NADK2: variants seen among roughly 807,000 people sequenced by gnomAD.
NADK2 encodes the protein NAD kinase 2, mitochondrial.
Under a neutral mutation model 62.1 loss-of-function variants are expected in NADK2, and 35 were observed. That is an observed-to-expected ratio of 0.56 (90% CI 0.43 to 0.75). The LOEUF (loss-of-function observed/expected upper bound fraction) is 0.75, where lower values mean the gene tolerates loss of function less well. Ranked by LOEUF, NADK2 falls within the 30% of genes least tolerant of loss-of-function variation. NADK2 has a pLI of 0.00. For missense variants in NADK2, 439 were observed against 561.3 expected, an observed-to-expected ratio of 0.78 and a Z score of 2.20; for synonymous variants, 205 against 207.9, an observed-to-expected ratio of 0.99 and a Z score of 0.12.
In NADK2 at chr5:36,227,489, A is replaced by G; in HGVS notation, c.377T>C (p.Ile126Thr). Residue 126 changes from isoleucine (I) to threonine (T), a missense_variant, in exon 2 of 12, where the codon ATA (isoleucine) becomes ACA (threonine). Transcript: ENST00000381937. ...CCCATAGACTTACCGTAAACTATCT[A>G]TAATATGTTCTACATTTTTGGTGTG... ...HIHTKNVEHI[I>T]DSLRNEGIEV... 1 of 1,530,284 alleles carries G rather than the reference A, an allele frequency of 6.5e-7. No homozygotes were observed. The highest frequency in any genetic ancestry group is 8.8e-7 in the Non-Finnish European group (1 of 1,136,564). The allele number at this position is 1,530,284 out of a possible 1,614,324, so 94.8% of individuals were successfully genotyped here.
chr5:36,204,952 G>A (rs1746580449), intron 8 of NADK2, among the ~76,000 whole-genome samples: 1 of 151,896 alleles, frequency 6.6e-6, no homozygotes, highest in Non-Finnish European at 1.5e-5. Flanking sequence ...TAATAAAATA[G>A]TTTAAGAAGT....
intron 4 of NADK2, among the ~76,000 whole-genome samples, chr5:36,224,704 T>C (rs1747414881): frequency 2.0e-5 from 3 of 152,078 alleles, no homozygotes; most frequent in South Asian, 4.1e-4. Flanking sequence ...ATAAGGCTGC[T>C]GTTAAGGTAG....
intron 9 of NADK2, among the ~76,000 whole-genome samples, chr5:36,200,578 T>C (rs1377323411): frequency 5.3e-5 from 8 of 152,034 alleles, no homozygotes; most frequent in East Asian, 1.9e-4. Flanking sequence ...TGGAAAATTA[T>C]AGAAATCAAC....
intron 4 of NADK2, chr5:36,221,267 G>A (rs1747256972): frequency 6.6e-6 from 1 of 152,158 alleles, no homozygotes; most frequent in South Asian, 2.1e-4. Context: ...CCATGTGAGT[G>A]GGCCATCTTG....
upstream of NADK2, chr5:36,241,986 A>T (rs550272560): frequency 9.2e-4 from 316 of 342,536 alleles, no homozygotes; most frequent in African/African-American, 6.6e-3. The surrounding 1 kb of genome is among the most constrained non-coding windows in gnomAD (Gnocchi z 4.9). Context: ...AAGGCGGGGA[A>T]AGCGTGGCGA....
chr5:36,207,373 A>C, intron 7 of NADK2, 108 bp from the exon 8 acceptor site: 1 of 739,736 alleles, frequency 1.4e-6, no homozygotes, highest in Non-Finnish European at 2.3e-6. Flanking sequence ...TACCCAAGAA[A>C]TACTTGACTT....
intron 1 of NADK2, among the ~76,000 whole-genome samples, chr5:36,229,666 A>G (rs2112177512): frequency 6.6e-6 from 1 of 151,742 alleles, no homozygotes; most frequent in East Asian, 2.0e-4. Context: ...GATGATTCCC[A>G]ACTGCTATCT....
intron 1 of NADK2, among the ~76,000 whole-genome samples, chr5:36,233,712 C>T (rs1443140083): frequency 6.6e-6 from 1 of 151,902 alleles, no homozygotes; most frequent in Non-Finnish European, 1.5e-5. Flanking sequence ...AAATTCTTCC[C>T]TGTTATCTTT....
intron 1 of NADK2, among the ~76,000 whole-genome samples, chr5:36,234,696 C>T (rs548519854): frequency 5.9e-5 from 9 of 152,284 alleles, no homozygotes; most frequent in Admixed American, 5.9e-4. Context: ...TTCTGAAGCA[C>T]ATATGGCAGA....
At chr5:36,230,016 A>T (rs1005032555) in intron 1 of NADK2, among the ~76,000 whole-genome samples, 13 of 151,612 alleles carry the variant, frequency 8.6e-5, no homozygotes, top group African/African-American at 3.1e-4. Context: ...TCATGATCTC[A>T]CACGTGAACC....
chr5:36,235,395 G>T (rs1747864555), intron 1 of NADK2, among the ~76,000 whole-genome samples: 1 of 152,134 alleles, frequency 6.6e-6, no homozygotes, highest in Non-Finnish European at 1.5e-5. Context: ...AGATTATGCA[G>T]CTTTAAGTTA....
Position 36,227,484 on chromosome 5 carries a change from T to C in NADK2, c.382A>G (p.Ser128Gly). 6.6e-7 allele frequency: 1 copy of C among 1,505,434 alleles called. No homozygotes were observed. Among genetic ancestry groups the C allele is most frequent in the Non-Finnish European group, 8.9e-7 (1 of 1,123,586 alleles). 93.3% of individuals were successfully genotyped at this position (1,505,434 alleles called of 1,614,324 possible). A position where few individuals can be genotyped will look rare whatever the true frequency, so the allele number is the denominator to read the frequency against. Reference protein sequence around the residue: ...HTKNVEHIIDSLRNEGIEVRL... With the variant: ...HTKNVEHIIDGLRNEGIEVRL... ...CCAATCCCATAGACTTACCGTAAAC[T>C]ATCTATAATATGTTCTACATTTTTG... The change falls in exon 2 of 12, where the codon AGT becomes GGT. Residue 128 changes from serine (S) to glycine (G), a missense_variant. By Grantham distance (56) the Ser-to-Gly change is moderately conservative (BLOSUM62 0). Transcript: ENST00000381937.
intron 6 of NADK2, among the ~76,000 whole-genome samples, chr5:36,215,573 C>T (rs999525044): frequency 6.6e-6 from 1 of 152,128 alleles, no homozygotes; most frequent in Non-Finnish European, 1.5e-5. Context: ...CATATTTGTA[C>T]CCATTAACCA....
In NADK2 at chr5:36,197,652, T is replaced by C. The variant is rs1746281751; in HGVS notation, c.1079A>G (p.Tyr360Cys). The C allele has an allele frequency of 2.6e-6, 4 of 1,564,300 alleles. No individual in the cohort carries two copies. Among genetic ancestry groups the C allele is most frequent in the Non-Finnish European group, 1.7e-6 (2 of 1,159,004 alleles). Residue 360 changes from tyrosine (Y) to cysteine (C), a missense_variant, in exon 11 of 12, where the codon TAT (tyrosine) becomes TGT (cysteine). By Grantham distance (194) the Tyr-to-Cys change is radical. Coordinates refer to ENST00000381937, the MANE Select transcript of NADK2 (RefSeq NM_001085411.3). ...CGGACTGTAGAGCAGTGATTCATTATATTCATTTGTTACTACAAAGAAAAA... is the reference window on the plus strand; with the variant it reads ...CGGACTGTAGAGCAGTGATTCATTACATTCATTTGTTACTACAAAGAAAAA... The part of the protein sequence containing the change: ...RELVEKVTNE[Y>C]NESLLYSPEE...
intron 4 of NADK2, 150 bp from the exon 5 acceptor site, chr5:36,219,829 A>G: frequency 1.7e-6 from 1 of 598,982 alleles, no homozygotes; most frequent in Non-Finnish European, 2.8e-6. Flanking sequence ...TTGCCACAAA[A>G]TTGTGTTCTT....
Position 36,193,134 on chromosome 5 carries a change from A to ACAAT in NADK2, c.*2006_*2009dup, listed in dbSNP as rs1468792105. On this transcript the variant is annotated 3_prime_UTR_variant, in exon 12 of 12. Transcript: ENST00000381937. ...GTTACATATTAACAGATCTATTTGG[A>ACAAT]CAATCAGATTTCCTTGAGATTAAGG... 6.6e-6 allele frequency: 1 copy of ACAAT among 152,178 alleles called. No homozygotes were observed. Among genetic ancestry groups the ACAAT allele is most frequent in the Non-Finnish European group, 1.5e-5 (1 of 68,026 alleles). 9.4% of individuals were successfully genotyped at this position (152,178 alleles called of 1,614,324 possible). A position where few individuals can be genotyped will look rare whatever the true frequency, so the allele number is the denominator to read the frequency against.
chr5:36,241,905 G>C lies in NADK2; in HGVS notation c.-107C>G. On this transcript the variant is annotated 5_prime_UTR_variant, in exon 1 of 12. Transcript: ENST00000381937. The surrounding 1 kb of genome is among the most constrained non-coding windows in gnomAD (Gnocchi z 4.9). The stretch of plus-strand genomic sequence containing the variant: ...CCGCCCGGGCCTCTAACTTCGCGCC[G>C]GACGGGCAGAGGTTAAGTGCCAGGA... The C allele has an allele frequency of 1.1e-6, 1 of 944,976 alleles. No individual in the cohort carries two copies. Among genetic ancestry groups the C allele is most frequent in the Non-Finnish European group, 1.3e-6 (1 of 774,540 alleles). The allele number at this position is 944,976 out of a possible 1,614,324, so 58.5% of individuals were successfully genotyped here.
In NADK2 at chr5:36,205,295, TGA is replaced by T. The variant is rs753383698; in HGVS notation, c.956+1873_956+1874del. 1.7e-4 allele frequency among the ~76,000 whole-genome samples: 24 copies of T among 144,792 alleles called. No homozygotes were observed. Among genetic ancestry groups the T allele is most frequent in the Non-Finnish European group, 2.8e-4 (18 of 65,102 alleles). 95.0% of individuals were successfully genotyped at this position (144,792 alleles called of 152,430 possible). ...TAATTCACTGTCTTTATGAAACAGG[TGA>T]GTGTTAAGGATTTGCTAAAGAGAAT... On this transcript the variant is annotated intron_variant, in intron 8 of 11. Coordinates refer to ENST00000381937, the MANE Select transcript of NADK2 (RefSeq NM_001085411.3). This position sits in a 1 kb window ranked among gnomAD's most constrained non-coding sequence, Gnocchi z 4.1.
Position 36,205,682 on chromosome 5 carries a change from T to C in NADK2, c.956+1488A>G, listed in dbSNP as rs1034520372. 6.6e-6 allele frequency among the ~76,000 whole-genome samples: 1 copy of C among 152,144 alleles called. No homozygotes were observed. The highest frequency in any genetic ancestry group is 1.5e-5 in the Non-Finnish European group (1 of 68,026). ...GGATGTGGAGAAATACAAACACTTT[T>C]ACACTGTTGGTGGGAGCATAAATTA... On this transcript the variant is annotated intron_variant, in intron 8 of 11. Coordinates refer to ENST00000381937, the MANE Select transcript of NADK2 (RefSeq NM_001085411.3). The surrounding 1 kb of genome is among the most constrained non-coding windows in gnomAD (Gnocchi z 4.1).
Sources: allele counts gnomAD v4.1 joint callset (sites outside exome capture counted in the v4.1 genomes callset), GRCh38; gene constraint gnomAD v4.1.1; non-coding constraint Gnocchi (gnomAD v3.1); transcripts MANE v1.5; gene names NCBI Gene and HGNC (gene_info 2026-07-23, HGNC 2026-07-21).